GRM7: variants seen among roughly 807,000 people sequenced by gnomAD.
GRM7 encodes the protein glutamate metabotropic receptor 7.
GRM7 carries 35 observed loss-of-function variants against 84.5 expected under a neutral mutation model. That is an observed-to-expected ratio of 0.41 (90% CI 0.32 to 0.55). The LOEUF (loss-of-function observed/expected upper bound fraction) is 0.55, where lower values mean the gene tolerates loss of function less well. Ranked by LOEUF, GRM7 falls within the 20% of genes least tolerant of loss-of-function variation. The probability of loss-of-function intolerance (pLI) is 0.19; values close to 1 mark genes in which losing one functional copy is unlikely to be tolerated. For synonymous variants in GRM7, 487 were observed against 455.1 expected (o/e 1.07, Z -0.89); for missense variants, 1,003 against 1,194.6 (o/e 0.84, Z 2.36).
At chr3:7,499,505 A>G (rs1171475374) in intron 7 of GRM7, among the ~76,000 whole-genome samples, 1 of 152,182 alleles carries the variant, frequency 6.6e-6, no homozygotes. Context: ...AATAAAAGCT[A>G]ATGTTTACTT....
intron 4 of GRM7, among the ~76,000 whole-genome samples, chr3:7,343,926 C>A (rs894616997): frequency 1.3e-5 from 2 of 152,110 alleles, no homozygotes; most frequent in Admixed American, 6.5e-5. Context: ...GAATGAGGCC[C>A]AGGAGTTTGG....
At chr3:6,920,356 A>T (rs1318601372) in intron 1 of GRM7, among the ~76,000 whole-genome samples, 1 of 152,046 alleles carries the variant, frequency 6.6e-6, no homozygotes, top group African/African-American at 2.4e-5. Context: ...TGAGTTCAAG[A>T]CCAGCCTGGC....
At chr3:7,601,798 A>G (rs988911064) in intron 8 of GRM7, among the ~76,000 whole-genome samples, 1 of 152,044 alleles carries the variant, frequency 6.6e-6, no homozygotes, top group African/African-American at 2.4e-5. Context: ...GAGAGACCCT[A>G]ACTCTCAAGC....
chr3:7,304,507 ATTCT>A (rs775436956), intron 3 of GRM7, among the ~76,000 whole-genome samples: 152 of 151,730 alleles, frequency 1.0e-3, no homozygotes, highest in African/African-American at 3.4e-3. Context: ...CAATTTTTTG[ATTCT>A]TTATTTATTA....
At chr3:7,726,613 CTATATATATATATATATATATATATA>C (rs56250356) in intron 9 of GRM7, among the ~76,000 whole-genome samples, 79 of 58,100 alleles carry the variant, frequency 1.4e-3, no homozygotes, top group South Asian at 3.2e-3. Flanking sequence ...CTCTCTCCCT[CTATATATATATATATATATATATATA>C]TATATATATA....
At chr3:7,247,088 C>A (rs1046979943) in intron 2 of GRM7, among the ~76,000 whole-genome samples, 4 of 152,090 alleles carry the variant, frequency 2.6e-5, no homozygotes, top group Admixed American at 2.0e-4. Flanking sequence ...ATTACTTGAA[C>A]AATGGTGTAT....
chr3:7,029,480 T>G (rs1696110981), intron 1 of GRM7, among the ~76,000 whole-genome samples: 1 of 152,180 alleles, frequency 6.6e-6, no homozygotes, highest in Admixed American at 6.5e-5. Context: ...TGTCAATTGA[T>G]GGATAGACAA....
chr3:7,314,195 A>G (rs1371970065), intron 4 of GRM7, among the ~76,000 whole-genome samples: 1 of 152,144 alleles, frequency 6.6e-6, no homozygotes, highest in Non-Finnish European at 1.5e-5. Flanking sequence ...CCCTTGCCCA[A>G]TTGAGAACTG....
intron 5 of GRM7, among the ~76,000 whole-genome samples, chr3:7,415,560 G>C (rs1305627250): frequency 6.6e-6 from 1 of 151,988 alleles, no homozygotes; most frequent in African/African-American, 2.4e-5. Flanking sequence ...AGAGTGATTG[G>C]GTTTAGAATA....
chr3:7,152,829 G>T (rs1236379877), intron 2 of GRM7, among the ~76,000 whole-genome samples: 2 of 152,156 alleles, frequency 1.3e-5, no homozygotes, highest in African/African-American at 4.8e-5. Context: ...AAAAGCTTTT[G>T]CATCGCTGTA....
chr3:7,444,659 C>G (rs1697429206), intron 5 of GRM7, among the ~76,000 whole-genome samples: 1 of 152,130 alleles, frequency 6.6e-6, no homozygotes, highest in Non-Finnish European at 1.5e-5. Flanking sequence ...TCCTTTCAAC[C>G]TCAGTCCCTG....
chr3:6,883,922 C>T (rs932568319), intron 1 of GRM7, among the ~76,000 whole-genome samples: 8 of 152,298 alleles, frequency 5.3e-5, no homozygotes, highest in African/African-American at 1.9e-4. Context: ...ACGTACTGTG[C>T]AGGGCAGAGA....
intron 7 of GRM7, among the ~76,000 whole-genome samples, chr3:7,572,859 TATATATATATATATATATATAA>T (rs1197403509): frequency 1.6e-4 from 7 of 42,832 alleles, no homozygotes; most frequent in African/African-American, 4.3e-4. Flanking sequence ...TATATATATA[TATATATATATATATATATATAA>T]ATAATCTTTC....
At chr3:6,912,559 T>C (rs11712276) in intron 1 of GRM7, among the ~76,000 whole-genome samples, 7,985 of 152,256 alleles carry the variant, frequency 0.052, 308 homozygotes, top group East Asian at 0.21. Context: ...GATAACAGAA[T>C]GTTCGATGCC....
chr3:7,694,083 C>CT (rs1559491965), intron 9 of GRM7, among the ~76,000 whole-genome samples: 2 of 151,764 alleles, frequency 1.3e-5, no homozygotes, highest in Non-Finnish European at 2.9e-5. Flanking sequence ...GGTTCTGACC[C>CT]ATTCCCATTT....
chr3:7,090,536 A>T (rs2125008123), intron 1 of GRM7, among the ~76,000 whole-genome samples: 1 of 152,322 alleles, frequency 6.6e-6, no homozygotes, highest in African/African-American at 2.4e-5. Flanking sequence ...CAACCAGCTA[A>T]CACTGAGCCC....
chr3:7,687,716 G>A (rs1700637671), intron 9 of GRM7, among the ~76,000 whole-genome samples: 1 of 152,006 alleles, frequency 6.6e-6, no homozygotes, highest in Non-Finnish European at 1.5e-5. Context: ...TCACTGTTCT[G>A]GTTCTTCCCA....
At chr3:7,638,765 A>G (rs1872396) in intron 8 of GRM7, among the ~76,000 whole-genome samples, 132,591 of 152,230 alleles carry the variant, frequency 0.87, 57,900 homozygotes, top group African/African-American at 0.94. Context: ...CACAGCACAA[A>G]GAAGACAATG....
chr3:7,231,348 T>A (rs75984232), intron 2 of GRM7, among the ~76,000 whole-genome samples: 1 of 152,240 alleles, frequency 6.6e-6, no homozygotes, highest in Admixed American at 6.5e-5. Context: ...CATTTAAATA[T>A]GTTTCTTTGA....
Sources: gnomAD v4.1 joint callset for allele counts (sites outside exome capture counted in the v4.1 genomes callset) on GRCh38, gnomAD v4.1.1 for gene constraint, MANE v1.5 for transcripts, NCBI Gene and HGNC (gene_info 2026-07-23, HGNC 2026-07-21) for gene names.